NPAS3: variants seen among roughly 807,000 people sequenced by gnomAD.
NPAS3 encodes the protein neuronal PAS domain-containing protein 3.
In NPAS3, 14 loss-of-function variants were observed where a neutral mutation model predicts 73.1. The observed-to-expected ratio is 0.19, with a 90% CI of 0.13 to 0.30. The LOEUF is 0.30. Ranked by LOEUF, NPAS3 falls within the 10% of genes least tolerant of loss-of-function variation. NPAS3 has a pLI of 1.00. For missense variants in NPAS3, 1,096 were observed against 1,250.0 expected, an observed-to-expected ratio of 0.88 and a Z score of 1.86; for synonymous variants, 620 against 541.5, an observed-to-expected ratio of 1.14 and a Z score of -2.01.
chr14:33,648,686 G>T (rs1250715763), intron 5 of NPAS3, among the ~76,000 whole-genome samples: 5 of 152,180 alleles, frequency 3.3e-5, no homozygotes, highest in Non-Finnish European at 4.4e-5. Flanking sequence ...GTGAAGCCAG[G>T]CTCAGAGGGC....
At chr14:33,193,652 T>C (rs1253989008) in intron 2 of NPAS3, among the ~76,000 whole-genome samples, 1 of 152,200 alleles carries the variant, frequency 6.6e-6, no homozygotes, top group African/African-American at 2.4e-5. Flanking sequence ...CCTCTAACTT[T>C]TTGCTAGCTG....
At chr14:33,758,488 G>A (rs916558570) in intron 7 of NPAS3, among the ~76,000 whole-genome samples, 13 of 152,202 alleles carry the variant, frequency 8.5e-5, no homozygotes, top group African/African-American at 2.9e-4. Flanking sequence ...GGGCGTAGCA[G>A]AGCGTTGACT....
intron 3 of NPAS3, among the ~76,000 whole-genome samples, chr14:33,327,968 A>G (rs74494060): frequency 0.051 from 7,840 of 152,244 alleles, 199 homozygotes; most frequent in Middle Eastern, 0.062. Flanking sequence ...ATCTCTAGCC[A>G]CATTGTAAAA....
chr14:33,386,318 G>GC (rs2138536669), intron 4 of NPAS3, among the ~76,000 whole-genome samples: 1 of 152,110 alleles, frequency 6.6e-6, no homozygotes, highest in African/African-American at 2.4e-5. Context: ...CATCAAAATG[G>GC]CCCCAATGTC....
intron 1 of NPAS3, among the ~76,000 whole-genome samples, chr14:33,005,436 C>T (rs2038968065): frequency 6.6e-6 from 1 of 152,062 alleles, no homozygotes; most frequent in South Asian, 2.1e-4. Context: ...AGCACAAGTC[C>T]CATCACGTCA....
intron 7 of NPAS3, among the ~76,000 whole-genome samples, chr14:33,740,024 C>T (rs1031943288): frequency 2.6e-5 from 4 of 152,114 alleles, no homozygotes; most frequent in Admixed American, 2.6e-4. Context: ...TGCTAAATAG[C>T]ATTTTGAGAT....
At chr14:33,186,628 T>C (rs981192014) in intron 2 of NPAS3, among the ~76,000 whole-genome samples, 5 of 152,202 alleles carry the variant, frequency 3.3e-5, no homozygotes, top group Non-Finnish European at 5.9e-5. Flanking sequence ...TCTGTCTCAG[T>C]GCATGGTATC....
chr14:33,098,774 A>G (rs1454202819), intron 2 of NPAS3, among the ~76,000 whole-genome samples: 1 of 152,244 alleles, frequency 6.6e-6, no homozygotes, highest in African/African-American at 2.4e-5. Flanking sequence ...AAATGAGACT[A>G]ATTTAGAAAT....
chr14:33,244,241 A>C (rs1286730692), intron 3 of NPAS3, among the ~76,000 whole-genome samples: 3 of 152,058 alleles, frequency 2.0e-5, no homozygotes, highest in African/African-American at 7.2e-5. Flanking sequence ...AGTTACATGG[A>C]GACTTATATC....
intron 6 of NPAS3, among the ~76,000 whole-genome samples, chr14:33,719,023 G>A (rs1275131801): frequency 1.3e-5 from 2 of 152,152 alleles, no homozygotes; most frequent in East Asian, 1.9e-4. Flanking sequence ...AGCTACTTGG[G>A]AGGCTGAGGT....
intron 5 of NPAS3, among the ~76,000 whole-genome samples, chr14:33,602,419 G>A (rs143233944): frequency 6.6e-6 from 1 of 152,284 alleles, no homozygotes; most frequent in African/African-American, 2.4e-5. Flanking sequence ...AAGTCTGAGT[G>A]CTTCTGTGCA....
At chr14:33,433,112 A>G (rs546413799) in intron 4 of NPAS3, among the ~76,000 whole-genome samples, 2 of 152,330 alleles carry the variant, frequency 1.3e-5, no homozygotes, top group African/African-American at 4.8e-5. Flanking sequence ...CTACATTTTA[A>G]GAAACTTGCA....
chr14:33,322,353 T>C (rs79784626), intron 3 of NPAS3, among the ~76,000 whole-genome samples: 2,979 of 152,314 alleles, frequency 0.02, 74 homozygotes, highest in African/African-American at 0.06. Flanking sequence ...GGTTTAATTG[T>C]ATTTTTTAAT....
intron 1 of NPAS3, among the ~76,000 whole-genome samples, chr14:33,003,385 A>C (rs934768262): frequency 2.0e-5 from 3 of 152,206 alleles, no homozygotes; most frequent in Non-Finnish European, 4.4e-5. Flanking sequence ...CTGCACAACT[A>C]AATGCATGTG....
intron 4 of NPAS3, among the ~76,000 whole-genome samples, chr14:33,405,505 T>A (rs2047627511): frequency 6.6e-6 from 1 of 152,102 alleles, no homozygotes; most frequent in Non-Finnish European, 1.5e-5. Context: ...ACTGCTTCTT[T>A]GTACAGTGAG....
intron 2 of NPAS3, among the ~76,000 whole-genome samples, chr14:33,074,642 C>T (rs1234182124): frequency 6.6e-6 from 1 of 152,158 alleles, no homozygotes; most frequent in Non-Finnish European, 1.5e-5. Context: ...ATGTGGAACT[C>T]CCTATCTCAG....
intron 11 of NPAS3, 113 bp downstream of exon 11, chr14:33,797,694 G>C (rs1005789892): frequency 9.7e-7 from 1 of 1,033,108 alleles, no homozygotes; most frequent in African/African-American, 1.6e-5. Flanking sequence ...ACATTTCAGA[G>C]AGACATATGT....
intron 3 of NPAS3, among the ~76,000 whole-genome samples, chr14:33,258,375 C>T (rs1166805154): frequency 6.6e-6 from 1 of 152,138 alleles, no homozygotes; most frequent in Non-Finnish European, 1.5e-5. Flanking sequence ...GCACTCCAAC[C>T]TGGGTGAAAG....
intron 5 of NPAS3, among the ~76,000 whole-genome samples, chr14:33,673,438 G>T (rs1022492103): frequency 2.0e-5 from 3 of 152,150 alleles, no homozygotes; most frequent in African/African-American, 7.2e-5. Flanking sequence ...TATTGTTAAG[G>T]CTGAAAGCAT....
Sources: gnomAD v4.1 joint callset for allele counts (sites outside exome capture counted in the v4.1 genomes callset) on GRCh38, gnomAD v4.1.1 for gene constraint, MANE v1.5 for transcripts, NCBI Gene and HGNC (gene_info 2026-07-23, HGNC 2026-07-21) for gene names.